Variants in ADK observed in about 807,000 individuals in gnomAD.
The protein encoded by ADK is N6,N6-dimethyladenosine kinase.
In ADK, 24 loss-of-function variants were observed where a neutral mutation model predicts 44.7. The ratio of observed to expected loss-of-function variants is 0.54; its 90% CI spans 0.39 to 0.76. The LOEUF (loss-of-function observed/expected upper bound fraction) is 0.76. Ranked by LOEUF, ADK falls within the 30% of genes least tolerant of loss-of-function variation. The pLI is 0.00. For missense variants in ADK, 321 were observed against 425.1 expected, an observed-to-expected ratio of 0.76 and a Z score of 2.15; for synonymous variants, 128 against 142.6, an observed-to-expected ratio of 0.90 and a Z score of 0.73.
chr10:74,513,732 G>A (rs1321946696), intron 6 of ADK, among the ~76,000 whole-genome samples: 1 of 151,982 alleles, frequency 6.6e-6, no homozygotes, highest in Non-Finnish European at 1.5e-5. Flanking sequence ...TTACAATCGT[G>A]TTATTATTGA....
intron 9 of ADK, among the ~76,000 whole-genome samples, chr10:74,634,500 A>G (rs1474706799): frequency 6.6e-6 from 1 of 151,712 alleles, no homozygotes; most frequent in African/African-American, 2.4e-5. Flanking sequence ...GGCGTGAGCC[A>G]CCATGCCCGG....
chr10:74,211,878 AGTT>A (rs1316739983), intron 2 of ADK, among the ~76,000 whole-genome samples: 3 of 152,210 alleles, frequency 2.0e-5, no homozygotes, highest in African/African-American at 4.8e-5. Context: ...CTTCAAAAAA[AGTT>A]GTATCTATTG....
intron 3 of ADK, among the ~76,000 whole-genome samples, chr10:74,304,009 T>C (rs995163690): frequency 2.0e-5 from 3 of 152,028 alleles, no homozygotes; most frequent in Non-Finnish European, 4.4e-5. Context: ...AGAGTTGTAT[T>C]AGCAGTAATG....
chr10:74,241,830 G>A (rs950695975), intron 3 of ADK, among the ~76,000 whole-genome samples: 2 of 152,248 alleles, frequency 1.3e-5, no homozygotes, highest in African/African-American at 4.8e-5. Flanking sequence ...AGCCTCTTGA[G>A]TAGTTGGGAC....
At position 74,585,656 on chromosome 10, in the gene ADK, A is replaced by G. The variant is rs1353107141; in HGVS notation, c.727-3626A>G. Among the ~76,000 whole-genome samples the G allele has an allele frequency of 2.6e-5, 4 of 152,184 alleles. No individual in the cohort carries two copies. In the East Asian group the frequency reaches 7.7e-4, roughly 29 times the overall value. On this transcript the variant is annotated intron_variant, in intron 7 of 10. Transcript: ENST00000539909. ...TTGTGATTTTTGATGTCAGATCTAA[A>G]ATGGAAAGCCTGTAAATATAATGAT... is the stretch of plus-strand genomic sequence containing the variant.
intron 1 of ADK, among the ~76,000 whole-genome samples, chr10:74,152,706 G>A (rs1304905305): frequency 5.3e-5 from 8 of 152,138 alleles, no homozygotes; most frequent in African/African-American, 1.9e-4. Flanking sequence ...ATCAAAGGAA[G>A]GCAAGAATTA....
intron 6 of ADK, among the ~76,000 whole-genome samples, chr10:74,454,942 A>G (rs1845891210): frequency 6.6e-6 from 1 of 152,138 alleles, no homozygotes; most frequent in South Asian, 2.1e-4. Flanking sequence ...AAGGTCAAAA[A>G]ACAGTTACCA....
At chr10:74,484,494 A>G (rs1245657628) in intron 6 of ADK, among the ~76,000 whole-genome samples, 1 of 152,208 alleles carries the variant, frequency 6.6e-6, no homozygotes, top group Non-Finnish European at 1.5e-5. Flanking sequence ...CTCTGCTTAT[A>G]AACTGAAATT....
Position 74,613,294 on chromosome 10 carries a change from C to T in ADK, c.877+12801C>T, listed in dbSNP as rs143186575. On this transcript the variant is annotated intron_variant, in intron 9 of 10. Coordinates refer to ENST00000539909, the MANE Select transcript of ADK (RefSeq NM_006721.4). The stretch of plus-strand genomic sequence containing the variant: ...ATATAGCAATGCTGTCTATCCTCCA[C>T]CTGTCACTTTGAGAATCACTGGATT... Among the ~76,000 whole-genome samples, 13 of 152,170 alleles carry T rather than the reference C, an allele frequency of 8.5e-5. No individual in the cohort carries two copies. The East Asian group carries it at 1.5e-3, about 18-fold the overall frequency.
chr10:74,356,012 T>TTTG (rs1842131116), intron 4 of ADK, among the ~76,000 whole-genome samples: 3 of 131,020 alleles, frequency 2.3e-5, no homozygotes, highest in Non-Finnish European at 3.3e-5. Context: ...ATTTTTTTTT[T>TTTG]TTTTTTTTTT....
intron 3 of ADK, among the ~76,000 whole-genome samples, chr10:74,252,495 CAATT>C (rs1036999334): frequency 6.6e-6 from 1 of 152,118 alleles, no homozygotes; most frequent in Non-Finnish European, 1.5e-5. Flanking sequence ...TGTTGAGACA[CAATT>C]AAAACAGGAA....
At chr10:74,585,469 G>GA (rs1437383631) in intron 7 of ADK, among the ~76,000 whole-genome samples, 19 of 151,996 alleles carry the variant, frequency 1.3e-4, no homozygotes, top group African/African-American at 3.6e-4. Context: ...TATCAAAATG[G>GA]AAAAAAAGCG....
At chr10:74,633,130 T>A (rs1458954151) in intron 9 of ADK, among the ~76,000 whole-genome samples, 2 of 152,178 alleles carry the variant, frequency 1.3e-5, no homozygotes, top group African/African-American at 4.8e-5. Context: ...ATAGGTTTTT[T>A]AATCTGTGTT....
At chr10:74,493,516 A>G (rs1260931290) in intron 6 of ADK, among the ~76,000 whole-genome samples, 5 of 149,072 alleles carry the variant, frequency 3.4e-5, no homozygotes, top group Admixed American at 2.7e-4. Context: ...AGATATATAG[A>G]TATAGATATA....
chr10:74,688,120 G>A (rs1231732694), intron 10 of ADK, among the ~76,000 whole-genome samples: 2 of 152,028 alleles, frequency 1.3e-5, no homozygotes, highest in African/African-American at 4.8e-5. Context: ...CTTCTTTCAG[G>A]CCTTAGACAC....
At chr10:74,274,751 C>T (rs77695954) in intron 3 of ADK, among the ~76,000 whole-genome samples, 61,547 of 101,246 alleles carry the variant, frequency 0.61, 20,559 homozygotes, top group Middle Eastern at 0.77. Flanking sequence ...TATATATACA[C>T]ACACACATTA....
chr10:74,159,717 C>T (rs1020363002), intron 1 of ADK, among the ~76,000 whole-genome samples: 2 of 152,068 alleles, frequency 1.3e-5, no homozygotes, highest in Non-Finnish European at 2.9e-5. Context: ...CTCAGCCTCC[C>T]GAGCAGCTGG....
intron 1 of ADK, among the ~76,000 whole-genome samples, chr10:74,155,599 G>A (rs531488724): frequency 1.3e-5 from 2 of 152,030 alleles, no homozygotes; most frequent in Non-Finnish European, 2.9e-5. Context: ...GCACAGTCTC[G>A]GCTCACTGCA....
At chr10:74,219,162 G>A (rs1266594347) in intron 2 of ADK, among the ~76,000 whole-genome samples, 2 of 152,034 alleles carry the variant, frequency 1.3e-5, no homozygotes, top group Non-Finnish European at 2.9e-5. Context: ...CAAAATAAAA[G>A]GATGGAGGAA....
Sources: gnomAD v4.1 joint callset for allele counts (sites outside exome capture counted in the v4.1 genomes callset) on GRCh38, gnomAD v4.1.1 for gene constraint, MANE v1.5 for transcripts, NCBI Gene and HGNC (gene_info 2026-07-23, HGNC 2026-07-21) for gene names.